GRK4: variants seen among roughly 807,000 people sequenced by gnomAD.
The protein encoded by GRK4 is G protein-coupled receptor kinase 2-like.
A neutral mutation model predicts 77.9 loss-of-function variants in GRK4; 73 were observed. The ratio of observed to expected loss-of-function variants is 0.94; its 90% CI spans 0.78 to 1.14. The LOEUF (loss-of-function observed/expected upper bound fraction) is 1.14, where lower values mean the gene tolerates loss of function less well. GRK4 is among the 50% of genes most tolerant of loss of function. The pLI, the probability that GRK4 is intolerant of heterozygous loss-of-function variation, is 0.00. For missense variants in GRK4, 729 were observed against 700.2 expected, an observed-to-expected ratio of 1.04 and a Z score of -0.46; for synonymous variants, 257 against 254.4, an observed-to-expected ratio of 1.01 and a Z score of -0.10.
At chr4:3,028,074 C>T (rs902982438) in intron 11 of GRK4, 73 bp downstream of exon 11, 3 of 1,307,624 alleles carry the variant, frequency 2.3e-6, no homozygotes, top group Middle Eastern at 2.2e-4. Flanking sequence ...CAGAGAAATC[C>T]ACCCTGAATG....
chr4:3,032,041 T>G (rs1207379226), intron 12 of GRK4, among the ~76,000 whole-genome samples: 3 of 152,148 alleles, frequency 2.0e-5, no homozygotes, highest in Non-Finnish European at 2.9e-5. Context: ...TCACTCTGCT[T>G]AGAGCTGACT....
chr4:2,995,675 CA>C (rs35365237), intron 4 of GRK4, among the ~76,000 whole-genome samples: 101 of 137,496 alleles, frequency 7.3e-4, no homozygotes, highest in Admixed American at 1.1e-3. Context: ...GACTCCTTCT[CA>C]AAAAAAAAAA....
chr4:2,989,953 A>G (rs1027841757), intron 3 of GRK4, among the ~76,000 whole-genome samples: 1 of 152,190 alleles, frequency 6.6e-6, no homozygotes, highest in African/African-American at 2.4e-5. Context: ...CTTTTGTACC[A>G]GGGTTATGAT....
intron 8 of GRK4, among the ~76,000 whole-genome samples, chr4:3,017,467 G>T (rs1239633793): frequency 2.0e-5 from 3 of 152,200 alleles, no homozygotes; most frequent in Non-Finnish European, 4.4e-5. Context: ...AGGCTGGCGT[G>T]ATAAAAGATT....
chr4:3,031,448 T>G (rs1478507595), intron 12 of GRK4, among the ~76,000 whole-genome samples: 1 of 152,130 alleles, frequency 6.6e-6, no homozygotes, highest in Non-Finnish European at 1.5e-5. Flanking sequence ...CTGCCACACC[T>G]GGACGGTGCA....
chr4:2,988,592 A>G, intron 2 of GRK4, 135 bp from the exon 3 acceptor site: 1 of 560,304 alleles, frequency 1.8e-6, no homozygotes, highest in Non-Finnish European at 3.2e-6. Flanking sequence ...CAACAACAAC[A>G]ACAAGATGAA....
intron 5 of GRK4, among the ~76,000 whole-genome samples, chr4:3,005,379 G>A (rs1289677869): frequency 2.0e-5 from 3 of 151,970 alleles, no homozygotes; most frequent in South Asian, 2.1e-4. Flanking sequence ...GGAAGATGGG[G>A]TCCAGGAGAT....
chr4:3,035,720 G>A (rs1468320114), intron 13 of GRK4, among the ~76,000 whole-genome samples, 197 bp downstream of exon 13: 2 of 152,082 alleles, frequency 1.3e-5, no homozygotes, highest in African/African-American at 2.4e-5. Flanking sequence ...ACTGTGCCCG[G>A]CTGCAACACA....
intron 7 of GRK4, among the ~76,000 whole-genome samples, chr4:3,013,448 G>A (rs1344172674): frequency 1.3e-5 from 2 of 152,214 alleles, no homozygotes; most frequent in East Asian, 1.9e-4. Flanking sequence ...AACATTTACC[G>A]TGATCACCTA....
chr4:2,972,272 G>T (rs1201467649), intron 1 of GRK4, among the ~76,000 whole-genome samples: 1 of 152,120 alleles, frequency 6.6e-6, no homozygotes, highest in Non-Finnish European at 1.5e-5. Context: ...TGGCCCTGCC[G>T]ACCACCGTTG....
chr4:2,980,888 A>G (rs1057500963), intron 1 of GRK4, among the ~76,000 whole-genome samples: 34 of 152,342 alleles, frequency 2.2e-4, no homozygotes, highest in African/African-American at 7.9e-4. Flanking sequence ...ACTGGTCCAG[A>G]TCCCATGCCT....
At chr4:3,028,111 A>G in intron 11 of GRK4, 110 bp downstream of exon 11, 2 of 864,772 alleles carry the variant, frequency 2.3e-6, no homozygotes, top group Non-Finnish European at 3.9e-6. Context: ...TGGACACACT[A>G]GTAGATGGCG....
At chr4:3,000,574 C>CTTTTCT (rs1553885875) in intron 4 of GRK4, among the ~76,000 whole-genome samples, 1 of 53,224 alleles carries the variant, frequency 1.9e-5, no homozygotes, top group Non-Finnish European at 3.8e-5. Context: ...CTTTTCTTTT[C>CTTTTCT]TTTTTTTTTT....
chr4:3,026,485 T>C (rs887497944), intron 10 of GRK4, among the ~76,000 whole-genome samples: 1 of 152,200 alleles, frequency 6.6e-6, no homozygotes, highest in Non-Finnish European at 1.5e-5. Context: ...ATCCCAGCAC[T>C]TTGGGAGGCC....
chr4:3,032,206 G>A (rs138236235), intron 12 of GRK4, among the ~76,000 whole-genome samples: 18 of 152,174 alleles, frequency 1.2e-4, no homozygotes, highest in African/African-American at 3.6e-4. Context: ...AGAATGGGCC[G>A]GGTGCGGTGG....
chr4:2,967,440 A>C (rs1718053960), intron 1 of GRK4, among the ~76,000 whole-genome samples: 1 of 152,198 alleles, frequency 6.6e-6, no homozygotes, highest in African/African-American at 2.4e-5. Context: ...TCACTCTGTC[A>C]CCCAGGCTGG....
chr4:2,972,435 G>C (rs903164643), intron 1 of GRK4, among the ~76,000 whole-genome samples: 1 of 152,206 alleles, frequency 6.6e-6, no homozygotes, highest in Non-Finnish European at 1.5e-5. Flanking sequence ...AGACTGCTGT[G>C]CTGTGCCAGT....
At chr4:2,965,536 G>T in intron 1 of GRK4, 1 of 690,592 alleles carries the variant, frequency 1.4e-6, no homozygotes, top group Non-Finnish European at 2.7e-6. Flanking sequence ...ACAGCAGCCG[G>T]CGATGCATAT....
Position 3,009,666 on chromosome 4 carries a change from C to T in GRK4, c.555C>T (p.Asn185=), listed in dbSNP as rs767250376. Residue 185 remains asparagine, a synonymous_variant, in exon 7 of 16, where the codon AAC becomes AAT. Coordinates refer to ENST00000398052, the MANE Select transcript of GRK4 (RefSeq NM_182982.3). ...TGATTAGGCAACCCGTAACAAAGAACACATTTAGACATTACAGAGTTCTAG... is the reference window on the plus strand; with the variant it reads ...TGATTAGGCAACCCGTAACAAAGAATACATTTAGACATTACAGAGTTCTAG... ...KWLERQPVTK[N]TFRHYRVLGK... 1.9e-6 allele frequency: 3 copies of T among 1,613,492 alleles called. No individual in the cohort carries two copies. Among genetic ancestry groups the T allele is most frequent in the East Asian group, 2.2e-5 (1 of 44,878 alleles).
Sources: allele counts gnomAD v4.1 joint callset (sites outside exome capture counted in the v4.1 genomes callset), GRCh38; gene constraint gnomAD v4.1.1; transcripts MANE v1.5; gene names NCBI Gene and HGNC (gene_info 2026-07-23, HGNC 2026-07-21).